Variants in PLXDC2 observed in about 807,000 individuals in gnomAD.
The protein encoded by PLXDC2 is plexin domain-containing protein 2.
Under a neutral mutation model 68.9 loss-of-function variants are expected in PLXDC2, and 40 were observed. The ratio of observed to expected loss-of-function variants is 0.58; its 90% confidence interval spans 0.45 to 0.76. The LOEUF is 0.76. PLXDC2 is among the 30% of genes least tolerant of loss of function. The pLI is 0.00. For synonymous variants in PLXDC2, 243 were observed against 234.2 expected (o/e 1.04, Z -0.34); for missense variants, 644 against 661.9 (o/e 0.97, Z 0.30).
At chr10:19,935,850 A>G (rs1419392593) in intron 1 of PLXDC2, among the ~76,000 whole-genome samples, 1 of 152,222 alleles carries the variant, frequency 6.6e-6, no homozygotes, top group Non-Finnish European at 1.5e-5. Flanking sequence ...AGAAGTGAAC[A>G]TTCTAGTACA....
intron 2 of PLXDC2, among the ~76,000 whole-genome samples, chr10:20,009,730 A>G (rs922496358): frequency 6.7e-6 from 1 of 149,186 alleles, no homozygotes; most frequent in African/African-American, 2.5e-5. Flanking sequence ...CCAGGTGTCA[A>G]GGTCATACTA....
chr10:20,144,817 A>G (rs994965544), intron 5 of PLXDC2, among the ~76,000 whole-genome samples: 2 of 152,216 alleles, frequency 1.3e-5, no homozygotes, highest in African/African-American at 4.8e-5. Context: ...TCATTTACTC[A>G]TGGGCACATG....
intron 6 of PLXDC2, among the ~76,000 whole-genome samples, chr10:20,163,994 CATTT>C (rs879886765): frequency 1.3e-5 from 2 of 152,054 alleles, no homozygotes; most frequent in Non-Finnish European, 2.9e-5. Context: ...TTTAACAGTG[CATTT>C]ATTTGTTTTT....
At chr10:20,219,787 T>C (rs1835186356) in intron 12 of PLXDC2, among the ~76,000 whole-genome samples, 1 of 152,192 alleles carries the variant, frequency 6.6e-6, no homozygotes, top group African/African-American at 2.4e-5. Flanking sequence ...TTTATTCAGC[T>C]CAGGGAAAGG....
intron 1 of PLXDC2, among the ~76,000 whole-genome samples, chr10:19,993,366 T>C (rs950368933): frequency 6.6e-6 from 1 of 152,184 alleles, no homozygotes; most frequent in Admixed American, 6.5e-5. Context: ...AATAGTAAAA[T>C]TATAAACCGT....
intron 12 of PLXDC2, among the ~76,000 whole-genome samples, chr10:20,234,916 G>A (rs1244436340): frequency 1.3e-5 from 2 of 152,026 alleles, no homozygotes; most frequent in Non-Finnish European, 2.9e-5. Flanking sequence ...GAGATCCAAA[G>A]GTTTTTATTA....
At chr10:19,849,741 A>G (rs1163956464) in intron 1 of PLXDC2, among the ~76,000 whole-genome samples, 1 of 152,168 alleles carries the variant, frequency 6.6e-6, no homozygotes, top group East Asian at 1.9e-4. Flanking sequence ...TTATGTTCTT[A>G]TAGCAGTGTG....
chr10:19,898,225 G>A (rs1395482429), intron 1 of PLXDC2, among the ~76,000 whole-genome samples: 1 of 152,174 alleles, frequency 6.6e-6, no homozygotes, highest in Non-Finnish European at 1.5e-5. Context: ...AGATTCAGGT[G>A]GCACATGTGC....
At chr10:20,158,854 T>G (rs1834253455) in intron 6 of PLXDC2, among the ~76,000 whole-genome samples, 1 of 152,136 alleles carries the variant, frequency 6.6e-6, no homozygotes, top group Non-Finnish European at 1.5e-5. Flanking sequence ...AAGCCTGGAA[T>G]TGTTCACCTT....
intron 4 of PLXDC2, among the ~76,000 whole-genome samples, chr10:20,083,110 A>T (rs978947134): frequency 6.6e-6 from 1 of 152,158 alleles, no homozygotes; most frequent in African/African-American, 2.4e-5. Context: ...CCCCTAAGAG[A>T]CTTGACAGAT....
chr10:19,966,986 C>G (rs767835657), intron 1 of PLXDC2, among the ~76,000 whole-genome samples: 1 of 152,174 alleles, frequency 6.6e-6, no homozygotes. Flanking sequence ...AGACGTAAAT[C>G]CCAGCCCCTC....
In PLXDC2 at chr10:19,816,999, C is replaced by A. The variant is rs1053445539; in HGVS notation, c.-81C>A. The A allele has an allele frequency of 9.6e-7, 1 of 1,042,366 alleles. No individual in the cohort carries two copies. The highest frequency in any genetic ancestry group is 1.4e-5 in the South Asian group (1 of 71,014). 64.6% of individuals were successfully genotyped at this position (1,042,366 alleles called of 1,614,324 possible). A position where few individuals can be genotyped will look rare whatever the true frequency, so the allele number is the denominator to read the frequency against. On this transcript the variant is annotated 5_prime_UTR_variant, in exon 1 of 14. Coordinates refer to ENST00000377252, the MANE Select transcript of PLXDC2 (RefSeq NM_032812.9). ...ACCGAGACCGATCCGCAGCGTTTGG[C>A]CCGGTCGTGCCTATTGCATCGGGAG...
chr10:19,876,125 A>C (rs1326659122), intron 1 of PLXDC2, among the ~76,000 whole-genome samples: 1 of 152,150 alleles, frequency 6.6e-6, no homozygotes, highest in Non-Finnish European at 1.5e-5. Flanking sequence ...TCCTGTTTAC[A>C]CTATGGGTCT....
In PLXDC2 at chr10:19,940,939, A is replaced by G. The variant is rs7912087; in HGVS notation, c.113-60836A>G. On this transcript the variant is annotated intron_variant, in intron 1 of 13. Coordinates refer to ENST00000377252, the MANE Select transcript of PLXDC2 (RefSeq NM_032812.9). Reference sequence around the variant, plus strand: ...CATCACACAGGAAGTAGACTGCTAGAATCATTTACTTGCAGACCTAAAGAA... The same window carrying G: ...CATCACACAGGAAGTAGACTGCTAGGATCATTTACTTGCAGACCTAAAGAA... Among the ~76,000 whole-genome samples the G allele has an allele frequency of 8.4e-3, 1,272 of 152,332 alleles. 25 individuals carry two copies. Among genetic ancestry groups the G allele is most frequent in the African/African-American group, 0.029 (1,205 of 41,566 alleles).
chr10:19,875,427 G>T (rs1837614157), intron 1 of PLXDC2, among the ~76,000 whole-genome samples: 1 of 152,130 alleles, frequency 6.6e-6, no homozygotes. Context: ...ATGGAATAAA[G>T]TTCATTTTTA....
intron 4 of PLXDC2, among the ~76,000 whole-genome samples, chr10:20,129,948 C>A (rs1833845886): frequency 6.6e-6 from 1 of 152,030 alleles, no homozygotes; most frequent in Non-Finnish European, 1.5e-5. Flanking sequence ...TAGTGTGATG[C>A]CTCCAGCTTT....
chr10:20,068,261 C>T (rs775438258), intron 4 of PLXDC2, 22 bp downstream of exon 4: 1 of 1,564,486 alleles, frequency 6.4e-7, no homozygotes, highest in Non-Finnish European at 8.8e-7. Context: ...TCTACCCATT[C>T]ACCTTAAGTA....
In PLXDC2 at chr10:20,068,172, A is replaced by G; in HGVS notation, c.474A>G (p.Arg158=). Residue 158 remains arginine (R), a splice_region_variant and synonymous_variant, in exon 4 of 14, where the codon AGA becomes AGG. Transcript: ENST00000377252. The stretch of plus-strand genomic sequence containing the variant: ...TTCTCTGGTGTTGTTCTTTGCAGAG[A>G]GTGAATCTGTCCTTCGATTTTCCAT... ...ILSNTHRQAA[R]VNLSFDFPFY... The G allele has an allele frequency of 6.2e-7, 1 of 1,611,946 alleles. No individual in the cohort carries two copies. Among genetic ancestry groups the G allele is most frequent in the South Asian group, 1.1e-5 (1 of 90,982 alleles).
chr10:19,915,963 A>C (rs1337481738), intron 1 of PLXDC2, among the ~76,000 whole-genome samples: 1 of 151,936 alleles, frequency 6.6e-6, no homozygotes, highest in East Asian at 1.9e-4. Flanking sequence ...CCTTCCCTCT[A>C]TCTCAGCTCA....
Sources: gnomAD v4.1 joint callset for allele counts (sites outside exome capture counted in the v4.1 genomes callset) on GRCh38, gnomAD v4.1.1 for gene constraint, MANE v1.5 for transcripts, NCBI Gene and HGNC (gene_info 2026-07-23, HGNC 2026-07-21) for gene names.